MCRIP2: variants seen among roughly 807,000 people sequenced by gnomAD.
MCRIP2 encodes MAPK regulated corepressor interacting protein 2, also known as MAPK regulated co-repressor interacting protein 2.
MCRIP2 carries 21 observed loss-of-function variants against 23.2 expected under a neutral mutation model. The ratio of observed to expected loss-of-function variants is 0.90; its 90% CI spans 0.64 to 1.30. The LOEUF (loss-of-function observed/expected upper bound fraction) is 1.30, where lower values mean the gene tolerates loss of function less well. Ranked by LOEUF, MCRIP2 falls within the 50% of genes most tolerant of loss-of-function variation. MCRIP2 has a pLI of 0.00. For synonymous variants in MCRIP2, 121 were observed against 100.2 expected, an observed-to-expected ratio of 1.21 and a Z score of -1.24; for missense variants, 234 against 223.2, an observed-to-expected ratio of 1.05 and a Z score of -0.31.
At position 646,368 on chromosome 16, in the gene MCRIP2, C is replaced by T; in HGVS notation, c.183-1049C>T. On this transcript the variant is annotated intron_variant, in intron 2 of 4. Coordinates refer to ENST00000307650, the MANE Select transcript of MCRIP2 (RefSeq NM_138418.4). The surrounding 1 kb of genome is among the most constrained non-coding windows in gnomAD (Gnocchi z 6.5). The stretch of plus-strand genomic sequence containing the variant: ...CCTGGGAGGTGCCCCTGCCCCTGTC[C>T]CATCTCCACCTGCACGTTTTAAGAT... 6.6e-6 allele frequency: 1 copy of T among 152,236 alleles called. No homozygotes were observed. 9.4% of individuals were successfully genotyped at this position (152,236 alleles called of 1,614,324 possible). A position where few individuals can be genotyped will look rare whatever the true frequency, so the allele number is the denominator to read the frequency against.
chr16:644,488 G>A (rs1437423855), intron 2 of MCRIP2, among the ~76,000 whole-genome samples: 1 of 152,026 alleles, frequency 6.6e-6, no homozygotes, highest in Non-Finnish European at 1.5e-5. Context: ...CTGTCACCCA[G>A]GCCGGGGTGC....
chr16:642,832 G>A (rs1261063479), intron 2 of MCRIP2: 1 of 152,298 alleles, frequency 6.6e-6, no homozygotes, highest in Non-Finnish European at 1.5e-5. Context: ...CCGTGACCAT[G>A]ACCCAGAGGT....
In MCRIP2 at chr16:646,875, G is replaced by A. The variant is rs2037495959; in HGVS notation, c.183-542G>A. The A allele has an allele frequency of 6.3e-6, 1 of 158,460 alleles. No homozygotes were observed. The highest frequency in any genetic ancestry group is 6.0e-5 in the Admixed American group (1 of 16,630). 9.8% of individuals were successfully genotyped at this position (158,460 alleles called of 1,614,324 possible). On this transcript the variant is annotated intron_variant, in intron 2 of 4. Transcript: ENST00000307650. This position sits in a 1 kb window ranked among gnomAD's most constrained non-coding sequence, Gnocchi z 6.5. ...CAGTCCTCATCCCATGGGACGTGGG[G>A]GCAGCCAGGGAGAGGGCAAAGGCCC...
chr16:647,856 G>A lies in MCRIP2; in HGVS notation c.384G>A (p.Val128=), dbSNP rs1421521124. 12 of 1,570,666 alleles carry A rather than the reference G, an allele frequency of 7.6e-6. No homozygotes were observed. The highest frequency in any genetic ancestry group is 1.0e-5 in the Non-Finnish European group (12 of 1,158,560). ...GCGGGCCAAGGCCTGTGCAGTACGT[G>A]GAGAGGACCCCCAATCCCCGGCTGC... The part of the protein sequence containing the change: ...GEGGPRPVQY[V]ERTPNPRLQN... The change falls in exon 4 of 5, where the codon GTG becomes GTA. Residue 128 remains valine, a synonymous_variant. Coordinates refer to ENST00000307650, the MANE Select transcript of MCRIP2 (RefSeq NM_138418.4).
intron 2 of MCRIP2, among the ~76,000 whole-genome samples, chr16:643,785 GC>G (rs955772364): frequency 5.9e-5 from 9 of 152,110 alleles, no homozygotes; most frequent in Non-Finnish European, 1.3e-4. Flanking sequence ...ACCCGCCTCA[GC>G]CCCCCAAAGT....
chr16:647,501 C>T lies in MCRIP2; in HGVS notation c.267C>T (p.Thr89=), dbSNP rs758624822. ...TSPSFEGTQE[T]YTVAHEENVR... ...CATCCTTCGAGGGGACCCAGGAGAC[C>T]TACACAGTGGCCCACGAGGAGAATG... The change falls in exon 3 of 5, where the codon ACC becomes ACT. Residue 89 remains threonine (T), a synonymous_variant. Transcript: ENST00000307650. The T allele has an allele frequency of 6.2e-7, 1 of 1,613,434 alleles. No homozygotes were observed. The highest frequency in any genetic ancestry group is 8.5e-7 in the Non-Finnish European group (1 of 1,179,992).
intron 2 of MCRIP2, chr16:647,001 G>A: frequency 5.0e-6 from 1 of 199,324 alleles, no homozygotes; most frequent in Non-Finnish European, 1.0e-5. Flanking sequence ...CCCAGAGTGG[G>A]GGGGTTGGGG....
At chr16:642,069 C>T in intron 1 of MCRIP2, 26 bp downstream of exon 1, 1 of 1,316,682 alleles carries the variant, frequency 7.6e-7, no homozygotes, top group Non-Finnish European at 9.6e-7. Flanking sequence ...GGAACGGGAA[C>T]GGGGACGGGG....
chr16:647,893 C>G lies in MCRIP2; in HGVS notation c.412+9C>G, dbSNP rs760751146. The G allele has an allele frequency of 2.8e-6, 4 of 1,420,646 alleles. No individual in the cohort carries two copies. In the East Asian group the frequency reaches 1.2e-4, roughly 41 times the overall value. The allele number at this position is 1,420,646 out of a possible 1,614,324, so 88.0% of individuals were successfully genotyped here. On this transcript the variant is annotated intron_variant, in intron 4 of 4. Coordinates refer to ENST00000307650, the MANE Select transcript of MCRIP2 (RefSeq NM_138418.4). ...CAATCCCCGGCTGCAGAGTGAGCCC[C>G]CCAACCCTGTCCCCCCAGGAGAGAC...
intron 2 of MCRIP2, among the ~76,000 whole-genome samples, chr16:644,808 G>T (rs915046540): frequency 1.3e-5 from 2 of 151,542 alleles, no homozygotes; most frequent in Non-Finnish European, 2.9e-5. Flanking sequence ...GGCGCGGGAG[G>T]GGGGTGTCGG....
chr16:644,028 C>G (rs1001151526), intron 2 of MCRIP2, among the ~76,000 whole-genome samples: 3 of 152,208 alleles, frequency 2.0e-5, no homozygotes, highest in African/African-American at 7.2e-5. Flanking sequence ...GCAGTGGGAT[C>G]TCTGCATGAA....
At chr16:645,611 G>C (rs757434227) in intron 2 of MCRIP2, 1 of 152,406 alleles carries the variant, frequency 6.6e-6, no homozygotes, top group Non-Finnish European at 1.5e-5. Context: ...AGGGGAGGCA[G>C]TAAGATAAAC....
chr16:646,503 G>A lies in MCRIP2; in HGVS notation c.183-914G>A, dbSNP rs897351305. Reference sequence around the variant, plus strand: ...TCTCAGCTGAGGAGGAACCGAGAGCGGCGCTGGGGCACCTGAGCCCAGGAA... The same window carrying A: ...TCTCAGCTGAGGAGGAACCGAGAGCAGCGCTGGGGCACCTGAGCCCAGGAA... On this transcript the variant is annotated intron_variant, in intron 2 of 4. Coordinates refer to ENST00000307650, the MANE Select transcript of MCRIP2 (RefSeq NM_138418.4). The surrounding 1 kb of genome is among the most constrained non-coding windows in gnomAD (Gnocchi z 6.5). 6 of 152,234 alleles carry A rather than the reference G, an allele frequency of 3.9e-5. No homozygotes were observed. Among genetic ancestry groups the A allele is most frequent in the South Asian group, 2.1e-4 (1 of 4,836 alleles). 9.4% of individuals were successfully genotyped at this position (152,234 alleles called of 1,614,324 possible). A position where few individuals can be genotyped will look rare whatever the true frequency, so the allele number is the denominator to read the frequency against.
chr16:644,039 GC>G (rs2037415590), intron 2 of MCRIP2, among the ~76,000 whole-genome samples: 1 of 152,022 alleles, frequency 6.6e-6, no homozygotes, highest in Non-Finnish European at 1.5e-5. Context: ...TCTGCATGAA[GC>G]CCCCATCCTG....
rs369364261 is a variant in MCRIP2 at position 646,057 on chromosome 16, C to G, written c.183-1360C>G. 1 of 152,188 alleles carries G rather than the reference C, an allele frequency of 6.6e-6. No homozygotes were observed. The highest frequency in any genetic ancestry group is 1.5e-5 in the Non-Finnish European group (1 of 68,042). The allele number at this position is 152,188 out of a possible 1,614,324, so 9.4% of individuals were successfully genotyped here. ...TTGGCGGTGATCCATAGGTGCTCGC[C>G]GGGCCGGTGCCCTTTCCCCCAGAGA... On this transcript the variant is annotated intron_variant, in intron 2 of 4. Coordinates refer to ENST00000307650, the MANE Select transcript of MCRIP2 (RefSeq NM_138418.4). This position sits in a 1 kb window ranked among gnomAD's most constrained non-coding sequence, Gnocchi z 6.5.
chr16:648,248 G>A lies in MCRIP2; in HGVS notation c.*58G>A. On this transcript the variant is annotated 3_prime_UTR_variant, in exon 5 of 5. Transcript: ENST00000307650. ...GACCTGTCGCCAGGAGAGAAGCATG[G>A]CGCCCTGCCCACCCACTGCGCCTGG... 6.6e-7 allele frequency: 1 copy of A among 1,526,156 alleles called. No homozygotes were observed. Among genetic ancestry groups the A allele is most frequent in the Non-Finnish European group, 8.9e-7 (1 of 1,121,138 alleles). The allele number at this position is 1,526,156 out of a possible 1,614,324, so 94.5% of individuals were successfully genotyped here. A position where few individuals can be genotyped will look rare whatever the true frequency, so the allele number is the denominator to read the frequency against.
Position 646,952 on chromosome 16 carries a change from A to C in MCRIP2, c.183-465A>C. 6 of 156,512 alleles carry C rather than the reference A, an allele frequency of 3.8e-5. No individual in the cohort carries two copies. The highest frequency in any genetic ancestry group is 3.3e-3 in the Middle Eastern group (1 of 306). 9.7% of individuals were successfully genotyped at this position (156,512 alleles called of 1,614,324 possible). ...ATGGAGGGAAACATCGTGGAGATGG[A>C]GGTGCTTCTGTGGGGCGAGAATGTG... On this transcript the variant is annotated intron_variant, in intron 2 of 4. Transcript: ENST00000307650. The surrounding 1 kb of genome is among the most constrained non-coding windows in gnomAD (Gnocchi z 6.5).
Position 648,383 on chromosome 16 carries a change from ACCT to A in MCRIP2, c.*195_*197del, listed in dbSNP as rs2037563760. 3.2e-6 allele frequency: 2 copies of A among 624,054 alleles called. No homozygotes were observed. The highest frequency in any genetic ancestry group is 5.2e-5 in the Admixed American group (2 of 38,116). 38.7% of individuals were successfully genotyped at this position (624,054 alleles called of 1,614,324 possible). Reference sequence around the variant, plus strand: ...CATGGCCAAGGGCCGAACCCGTCTGACCTCAGCCCTGCTCACTGTGCCCAGGGA... The same window carrying A: ...CATGGCCAAGGGCCGAACCCGTCTGACAGCCCTGCTCACTGTGCCCAGGGA... On this transcript the variant is annotated 3_prime_UTR_variant, in exon 5 of 5. Coordinates refer to ENST00000307650, the MANE Select transcript of MCRIP2 (RefSeq NM_138418.4).
intron 2 of MCRIP2, 34 bp downstream of exon 2, chr16:642,283 C>T (rs1325144798): frequency 4.4e-5 from 51 of 1,152,430 alleles, no homozygotes; most frequent in Non-Finnish European, 5.1e-5. Context: ...CGGCCCGGCC[C>T]GGCTTCCCCT....
Sources: gnomAD v4.1 joint callset for allele counts (sites outside exome capture counted in the v4.1 genomes callset) on GRCh38, gnomAD v4.1.1 for gene constraint, Gnocchi (gnomAD v3.1) non-coding constraint, MANE v1.5 for transcripts, NCBI Gene and HGNC (gene_info 2026-07-23, HGNC 2026-07-21) for gene names.